Variants in ZPBP observed in about 807,000 individuals in gnomAD.
ZPBP encodes zona pellucida-binding protein 1.
A neutral mutation model predicts 44.8 loss-of-function variants in ZPBP; 26 were observed. The ratio of observed to expected loss-of-function variants is 0.58; its 90% CI spans 0.43 to 0.81. The LOEUF is 0.81. ZPBP is among the 30% of genes least tolerant of loss of function. ZPBP has a pLI of 0.00. For missense variants in ZPBP, 409 were observed against 434.0 expected (o/e 0.94, Z 0.51); for synonymous variants, 174 against 153.2 (o/e 1.14, Z -1.00).
chr7:49,987,228 AT>A (rs888646653), intron 6 of ZPBP, among the ~76,000 whole-genome samples: 1 of 152,156 alleles, frequency 6.6e-6, no homozygotes, highest in Admixed American at 6.5e-5. Context: ...ATTTAAAAGG[AT>A]TTTTTTAAAG....
At chr7:49,963,610 G>A (rs1200450660) in intron 7 of ZPBP, among the ~76,000 whole-genome samples, 2 of 151,788 alleles carry the variant, frequency 1.3e-5, no homozygotes, top group Non-Finnish European at 3.0e-5. Context: ...GATGTTAACT[G>A]ATGTTAGTTA....
intron 7 of ZPBP, among the ~76,000 whole-genome samples, chr7:49,979,818 G>C (rs1417301259): frequency 3.5e-5 from 4 of 114,014 alleles, no homozygotes; most frequent in African/African-American, 1.0e-4. Flanking sequence ...GTGTTCTGGA[G>C]TTATACATAT....
rs1217317082 is a variant in ZPBP, at chr7:50,081,886, G to A, written c.222C>T (p.Val74=). The A allele has an allele frequency of 1.2e-6, 2 of 1,610,900 alleles. No individual in the cohort carries two copies. Among genetic ancestry groups the A allele is most frequent in the South Asian group, 1.1e-5 (1 of 91,004 alleles). ...GSTSFPVKAY[V]MLHQKSPHVL... Reference sequence around the variant, plus strand: ...CGTGTGGACTCTTTTGATGGAGCATGACATACGCTTTCACTGAAAATACAA... The same window carrying A: ...CGTGTGGACTCTTTTGATGGAGCATAACATACGCTTTCACTGAAAATACAA... The change falls in exon 3 of 8, where the codon GTC becomes GTT. Residue 74 remains valine, a synonymous_variant. Coordinates refer to ENST00000046087, the MANE Select transcript of ZPBP (RefSeq NM_007009.3).
intron 6 of ZPBP, among the ~76,000 whole-genome samples, chr7:49,992,405 C>T (rs1243474354): frequency 6.6e-6 from 1 of 151,910 alleles, no homozygotes; most frequent in Non-Finnish European, 1.5e-5. Flanking sequence ...AGAGAGGAAA[C>T]ACATTTGAAA....
chr7:49,891,167 C>A (rs1045848725), intron 2 of ZPBP, among the ~76,000 whole-genome samples: 1 of 152,070 alleles, frequency 6.6e-6, no homozygotes, highest in Non-Finnish European at 1.5e-5. Context: ...TAAAAAGATA[C>A]AAATATGGAC....
At chr7:49,845,556 T>C (rs1157448645), downstream of ZPBP, among the ~76,000 whole-genome samples, 1 of 152,218 alleles carries the variant, frequency 6.6e-6, no homozygotes, top group Non-Finnish European at 1.5e-5. Context: ...CTGTGTGAAA[T>C]TGGTCAGATG....
chr7:49,951,719 A>G (rs2128758802), intron 7 of ZPBP, among the ~76,000 whole-genome samples: 1 of 151,810 alleles, frequency 6.6e-6, no homozygotes, highest in South Asian at 2.1e-4. Context: ...ATGACCCTGT[A>G]ATTCCACTCT....
At chr7:49,996,572 A>G (rs1797859165) in intron 6 of ZPBP, among the ~76,000 whole-genome samples, 1 of 152,176 alleles carries the variant, frequency 6.6e-6, no homozygotes, top group South Asian at 2.1e-4. Flanking sequence ...TAACAGTGTA[A>G]ATTTTTGGTT....
intron 4 of ZPBP, among the ~76,000 whole-genome samples, chr7:50,041,725 T>C (rs916994616): frequency 1.3e-5 from 2 of 152,074 alleles, no homozygotes; most frequent in Non-Finnish European, 2.9e-5. Flanking sequence ...GGAAAACCAG[T>C]GCAAAAAGGC....
intron 7 of ZPBP, among the ~76,000 whole-genome samples, chr7:49,979,221 T>C (rs1796667424): frequency 6.6e-6 from 1 of 152,002 alleles, no homozygotes; most frequent in African/African-American, 2.4e-5. Flanking sequence ...GAAAGCCGTA[T>C]CACAATTACA....
intron 2 of ZPBP, among the ~76,000 whole-genome samples, chr7:49,873,694 A>G (rs748104535): frequency 7.2e-5 from 11 of 152,220 alleles, no homozygotes; most frequent in Non-Finnish European, 1.3e-4. Context: ...GTTGATAAAG[A>G]GATGCTCTCA....
At chr7:50,007,384 G>A (rs1186439672) in intron 6 of ZPBP, among the ~76,000 whole-genome samples, 2 of 151,904 alleles carry the variant, frequency 1.3e-5, no homozygotes, top group African/African-American at 4.8e-5. Flanking sequence ...TAAGGAAATT[G>A]AATCAGTAAC....
chr7:49,936,787 A>G (rs1267718570), downstream of ZPBP, among the ~76,000 whole-genome samples: 1 of 152,224 alleles, frequency 6.6e-6, no homozygotes, highest in East Asian at 1.9e-4. Context: ...ATTCATTTTC[A>G]TAGTGGAAGA....
intron 6 of ZPBP, among the ~76,000 whole-genome samples, chr7:50,008,119 C>A: frequency 6.6e-6 from 1 of 152,098 alleles, no homozygotes; most frequent in Non-Finnish European, 1.5e-5. Flanking sequence ...ATACAGAAAA[C>A]TTGTAAGATT....
At chr7:49,899,493 T>C (rs1259311063) in intron 2 of ZPBP, among the ~76,000 whole-genome samples, 1 of 152,026 alleles carries the variant, frequency 6.6e-6, no homozygotes, top group African/African-American at 2.4e-5. Flanking sequence ...TTACACCATG[T>C]TAAGACTAAT....
At chr7:50,062,438 T>C (rs1020806796) in intron 3 of ZPBP, among the ~76,000 whole-genome samples, 2 of 152,138 alleles carry the variant, frequency 1.3e-5, no homozygotes, top group South Asian at 2.1e-4. Context: ...TACAGGGCTA[T>C]AGTAACTAAA....
intron 3 of ZPBP, among the ~76,000 whole-genome samples, chr7:50,068,201 G>A (rs1302472415): frequency 6.6e-6 from 1 of 152,068 alleles, no homozygotes; most frequent in Non-Finnish European, 1.5e-5. Flanking sequence ...GCAGAACCTT[G>A]CTGCCCTTAG....
intron 7 of ZPBP, among the ~76,000 whole-genome samples, chr7:49,947,456 A>C (rs1241057663): frequency 6.6e-6 from 1 of 152,186 alleles, no homozygotes; most frequent in Non-Finnish European, 1.5e-5. Flanking sequence ...GCTCCTGCAG[A>C]CTTGCAGATG....
intron 7 of ZPBP, among the ~76,000 whole-genome samples, chr7:49,954,738 A>C (rs562868772): frequency 6.6e-6 from 1 of 152,308 alleles, no homozygotes; most frequent in East Asian, 1.9e-4. Context: ...ATGTGGCAAA[A>C]CTAAAAGGAG....
Sources: allele counts gnomAD v4.1 joint callset (sites outside exome capture counted in the v4.1 genomes callset), GRCh38; gene constraint gnomAD v4.1.1; transcripts MANE v1.5; gene names NCBI Gene and HGNC (gene_info 2026-07-23, HGNC 2026-07-21).